The following LRP5 variants were observed in gnomAD, a reference collection of about 807,000 sequenced individuals.
The protein encoded by LRP5 is LDL receptor related protein 5, also known as low-density lipoprotein receptor-related protein 5.
Under a neutral mutation model 154.1 loss-of-function variants are expected in LRP5, and 62 were observed. The ratio of observed to expected loss-of-function variants is 0.40; its 90% CI spans 0.33 to 0.50. The LOEUF is 0.50. Ranked by LOEUF, LRP5 falls within the 20% of genes least tolerant of loss-of-function variation. The probability of loss-of-function intolerance (pLI) is 0.55; values close to 1 mark genes in which losing one functional copy is unlikely to be tolerated. For missense variants in LRP5, 1,915 were observed against 2,336.7 expected (o/e 0.82, Z 3.72); for synonymous variants, 966 against 1,011.5 (o/e 0.96, Z 0.85).
chr11:68,308,809 C>T (rs1037114287), upstream of LRP5, among the ~76,000 whole-genome samples: 27 of 149,190 alleles, frequency 1.8e-4, no homozygotes, highest in African/African-American at 6.0e-4. Flanking sequence ...AGTGTAGTGG[C>T]GTGATATCGG....
chr11:68,339,643 G>A (rs1359263820), intron 1 of LRP5, among the ~76,000 whole-genome samples: 2 of 152,152 alleles, frequency 1.3e-5, no homozygotes, highest in African/African-American at 4.8e-5. Flanking sequence ...ACCATACCTG[G>A]CCATAATATT....
At chr11:68,318,210 A>G (rs2098594564) in intron 1 of LRP5, among the ~76,000 whole-genome samples, 1 of 151,124 alleles carries the variant, frequency 6.6e-6, no homozygotes. Context: ...ACCCGCCACC[A>G]CGCCCGGCTA....
intron 1 of LRP5, among the ~76,000 whole-genome samples, chr11:68,318,574 A>C (rs1378204140): frequency 6.6e-6 from 1 of 151,576 alleles, no homozygotes; most frequent in Admixed American, 6.6e-5. Context: ...CCTGGGCTCA[A>C]GCGATCCACC....
chr11:68,373,759 T>C (rs879734765), intron 5 of LRP5, among the ~76,000 whole-genome samples: 1 of 151,806 alleles, frequency 6.6e-6, no homozygotes, highest in East Asian at 1.9e-4. Context: ...ACAGCAGGAG[T>C]GAGGCCTTAT....
intron 5 of LRP5, among the ~76,000 whole-genome samples, chr11:68,377,183 G>A (rs2098637835): frequency 6.6e-6 from 1 of 152,176 alleles, no homozygotes; most frequent in African/African-American, 2.4e-5. Context: ...AGGCAGTGGG[G>A]GGCCACAGGA....
Position 68,413,566 on chromosome 11 carries a change from C to T in LRP5, c.2504-123C>T, listed in dbSNP as rs1374143772. 4.6e-6 allele frequency: 4 copies of T among 867,802 alleles called. No individual in the cohort carries two copies. Among genetic ancestry groups the T allele is most frequent in the Non-Finnish European group, 7.6e-6 (4 of 525,136 alleles). 53.8% of individuals were successfully genotyped at this position (867,802 alleles called of 1,614,324 possible). ...GCTGGTTTTCCAAGGTGGCCAAACA[C>T]TTTAAGGCATTCATGTGGTCGCTAG... On this transcript the variant is annotated intron_variant, in intron 11 of 22. Coordinates refer to ENST00000294304, the MANE Select transcript of LRP5 (RefSeq NM_002335.4). This position sits in a 1 kb window ranked among gnomAD's most constrained non-coding sequence, Gnocchi z 5.1.
intron 7 of LRP5, among the ~76,000 whole-genome samples, chr11:68,399,429 G>T (rs547745061): frequency 9.2e-5 from 14 of 151,698 alleles, no homozygotes; most frequent in Admixed American, 3.9e-4. Flanking sequence ...GTTCAGTCAC[G>T]TGCTCTCCAT....
chr11:68,333,813 G>A lies in LRP5; in HGVS notation c.92-14034G>A, dbSNP rs551991577. Among the ~76,000 whole-genome samples, 5 of 152,280 alleles carry A rather than the reference G, an allele frequency of 3.3e-5. No individual in the cohort carries two copies. In the East Asian group the frequency reaches 9.7e-4, roughly 29 times the overall value. Reference sequence around the variant, plus strand: ...GGAGAGGACTGCAGTAGATGTTCACGGATAGGAAGACAGGAGATGGAGATG... The same window carrying A: ...GGAGAGGACTGCAGTAGATGTTCACAGATAGGAAGACAGGAGATGGAGATG... On this transcript the variant is annotated intron_variant, in intron 1 of 22. Transcript: ENST00000294304.
At chr11:68,344,261 G>A (rs1456215490) in intron 1 of LRP5, among the ~76,000 whole-genome samples, 1 of 152,180 alleles carries the variant, frequency 6.6e-6, no homozygotes, top group African/African-American at 2.4e-5. Context: ...CCTTTTGTGA[G>A]AGGTCAATGT....
chr11:68,434,360 TCA>T (rs2098673713), intron 18 of LRP5, among the ~76,000 whole-genome samples: 1 of 140,226 alleles, frequency 7.1e-6, no homozygotes, highest in Non-Finnish European at 1.5e-5. Flanking sequence ...TTTCATTCAT[TCA>T]TTCATTCATT....
intron 17 of LRP5, among the ~76,000 whole-genome samples, chr11:68,433,169 G>T (rs2098672903): frequency 2.0e-5 from 3 of 152,222 alleles, no homozygotes; most frequent in Non-Finnish European, 4.4e-5. Context: ...TGCCCCTCTG[G>T]TCCTGAGGAG....
chr11:68,392,025 G>T (rs1489150270), intron 7 of LRP5, among the ~76,000 whole-genome samples: 3 of 152,162 alleles, frequency 2.0e-5, no homozygotes, highest in East Asian at 3.9e-4. Flanking sequence ...TGTATTTTTT[G>T]TGGGGGGAGA....
intron 18 of LRP5, 147 bp downstream of exon 18, chr11:68,433,985 C>A (rs2098673453): frequency 3.8e-6 from 3 of 798,396 alleles, no homozygotes; most frequent in South Asian, 1.5e-5. Context: ...TTAGGCCCAA[C>A]AAGGAAAACT....
intron 7 of LRP5, among the ~76,000 whole-genome samples, chr11:68,396,513 G>C (rs544161194): frequency 6.6e-6 from 1 of 152,164 alleles, no homozygotes; most frequent in Admixed American, 6.5e-5. Flanking sequence ...AGGACTTCAC[G>C]GGCAGCTGTG....
intron 1 of LRP5, among the ~76,000 whole-genome samples, chr11:68,334,976 T>C (rs2098604856): frequency 6.6e-6 from 1 of 152,146 alleles, no homozygotes; most frequent in South Asian, 2.1e-4. Flanking sequence ...CCCTGAATTA[T>C]TGAATACTGA....
intron 17 of LRP5, among the ~76,000 whole-genome samples, chr11:68,432,990 C>T (rs2098672791): frequency 6.6e-6 from 1 of 152,234 alleles, no homozygotes; most frequent in Middle Eastern, 3.2e-3. Flanking sequence ...GTGTCCTCAG[C>T]CCTCCTGCCT....
intron 2 of LRP5, among the ~76,000 whole-genome samples, chr11:68,354,529 T>C (rs1196285533): frequency 6.6e-6 from 1 of 152,194 alleles, no homozygotes; most frequent in Admixed American, 6.5e-5. Context: ...CTGGGCTCTG[T>C]CCAGGCTCCT....
At chr11:68,381,962 C>T (rs573096393) in intron 5 of LRP5, among the ~76,000 whole-genome samples, 1 of 152,360 alleles carries the variant, frequency 6.6e-6, no homozygotes, top group South Asian at 2.1e-4. Context: ...CAGCTGCTCC[C>T]TGCTGGCCTG....
intron 21 of LRP5, chr11:68,445,468 G>A (rs373608470): frequency 4.2e-5 from 20 of 477,206 alleles, no homozygotes; most frequent in Admixed American, 2.4e-4. Flanking sequence ...GACTTCACCC[G>A]GGTCTGTCTG....
Sources: allele counts gnomAD v4.1 joint callset (sites outside exome capture counted in the v4.1 genomes callset), GRCh38; gene constraint gnomAD v4.1.1; non-coding constraint Gnocchi (gnomAD v3.1); transcripts MANE v1.5; gene names NCBI Gene and HGNC (gene_info 2026-07-23, HGNC 2026-07-21).